The following NAA15 variants were observed in gnomAD, a reference collection of about 807,000 sequenced individuals.
The protein encoded by NAA15 is N-alpha-acetyltransferase 15, NatA auxiliary subunit.
In NAA15, 34 loss-of-function variants were observed where a neutral mutation model predicts 114.0. The observed-to-expected ratio is 0.30, with a 90% CI of 0.23 to 0.40. NAA15 has a LOEUF of 0.40. Ranked by LOEUF, NAA15 falls within the 10% of genes least tolerant of loss-of-function variation. The probability of loss-of-function intolerance (pLI) is 1.00; values close to 1 mark genes in which losing one functional copy is unlikely to be tolerated. For synonymous variants in NAA15, 340 were observed against 338.0 expected, an observed-to-expected ratio of 1.01 and a Z score of -0.06; for missense variants, 658 against 1,004.5, an observed-to-expected ratio of 0.66 and a Z score of 4.66.
Position 139,354,113 on chromosome 4 carries a change from T to A in NAA15, c.1087+15T>A, listed in dbSNP as rs1297311695. On this transcript the variant is annotated intron_variant, in intron 10 of 19. Transcript: ENST00000296543. ...TAACCCCAATGGTAAGTCCTCAAGT[T>A]TTATGTTTTAAAAACATCTTGAAAA... The A allele has an allele frequency of 1.2e-6, 2 of 1,601,744 alleles. No individual in the cohort carries two copies. Among genetic ancestry groups the A allele is most frequent in the South Asian group, 2.2e-5 (2 of 90,054 alleles).
At chr4:139,377,026 G>C (rs1748598098) in intron 16 of NAA15, among the ~76,000 whole-genome samples, 1 of 152,084 alleles carries the variant, frequency 6.6e-6, no homozygotes, top group African/African-American at 2.4e-5. Context: ...GGTTTAGAAT[G>C]CTTAGAATAT....
intron 6 of NAA15, among the ~76,000 whole-genome samples, chr4:139,346,361 A>G (rs1747582106): frequency 6.6e-6 from 1 of 152,134 alleles, no homozygotes; most frequent in Non-Finnish European, 1.5e-5. Flanking sequence ...ACTTTGAGTT[A>G]GGTAATGGGA....
In NAA15 at chr4:139,351,487, G is replaced by T; in HGVS notation, c.908-18G>T. On this transcript the variant is annotated intron_variant, in intron 8 of 19. Coordinates refer to ENST00000296543, the MANE Select transcript of NAA15 (RefSeq NM_057175.5). ...AATACTTGATAAATATAAGCGAAAAGGATTTTTCTCTTCCAAGGTGAGAAG... is the reference window on the plus strand; with the variant it reads ...AATACTTGATAAATATAAGCGAAAATGATTTTTCTCTTCCAAGGTGAGAAG... 1.4e-6 allele frequency: 2 copies of T among 1,415,320 alleles called. No homozygotes were observed. The highest frequency in any genetic ancestry group is 2.4e-5 in the South Asian group (2 of 84,208). The allele number at this position is 1,415,320 out of a possible 1,614,324, so 87.7% of individuals were successfully genotyped here.
intron 1 of NAA15, among the ~76,000 whole-genome samples, chr4:139,320,560 G>A (rs908217770): frequency 1.3e-5 from 2 of 151,950 alleles, no homozygotes; most frequent in Admixed American, 6.6e-5. Context: ...TCACTCTGTC[G>A]TCCAGGCTGG....
chr4:139,315,048 T>TTAGTTC (rs1746358032), intron 1 of NAA15, among the ~76,000 whole-genome samples: 1 of 108,364 alleles, frequency 9.2e-6, no homozygotes, highest in Non-Finnish European at 2.0e-5. Context: ...TAGGTTAGGT[T>TTAGTTC]AGGTTAGTTT....
intron 6 of NAA15, among the ~76,000 whole-genome samples, chr4:139,348,328 C>T (rs1163602719): frequency 6.6e-6 from 1 of 151,922 alleles, no homozygotes; most frequent in African/African-American, 2.4e-5. Flanking sequence ...GTGGCACATG[C>T]CTGTAGTTCC....
At chr4:139,336,049 G>A (rs913565636) in intron 2 of NAA15, among the ~76,000 whole-genome samples, 27 of 152,278 alleles carry the variant, frequency 1.8e-4, no homozygotes, top group Non-Finnish European at 1.6e-4. Flanking sequence ...GTGAGGCACT[G>A]TGCCTGGCCA....
chr4:139,374,148 T>A (rs1460619402), intron 15 of NAA15, among the ~76,000 whole-genome samples: 1 of 152,204 alleles, frequency 6.6e-6, no homozygotes, highest in African/African-American at 2.4e-5. Flanking sequence ...CATATACTCC[T>A]TTACAACATA....
In NAA15 at chr4:139,342,899, ATTTATTAGAAGAT is replaced by A; in HGVS notation, c.478_490del (p.Leu160MetfsTer8). The A allele has an allele frequency of 6.2e-7, 1 of 1,613,482 alleles. No homozygotes were observed. The highest frequency in any genetic ancestry group is 8.5e-7 in the Non-Finnish European group (1 of 1,179,406). On this transcript the variant is annotated frameshift_variant, in exon 5 of 20. Coordinates refer to ENST00000296543, the MANE Select transcript of NAA15 (RefSeq NM_057175.5). LOFTEE classifies it high-confidence loss of function. ...TGGATTGGTTATGCTATTGCTTACC[ATTTATTAGAAGAT>A]TATGAAATGGCAGCAAAGATTTTAG...
At chr4:139,385,523 C>T (rs1427236586) in intron 18 of NAA15, among the ~76,000 whole-genome samples, 1 of 151,868 alleles carries the variant, frequency 6.6e-6, no homozygotes, top group Non-Finnish European at 1.5e-5. Context: ...GGACCATCGT[C>T]TTCCATTTCT....
chr4:139,314,836 C>G lies in NAA15; in HGVS notation c.54+13005C>G, dbSNP rs183148833. Among the ~76,000 whole-genome samples the G allele has an allele frequency of 4.0e-5, 6 of 151,862 alleles. No homozygotes were observed. The East Asian group carries it at 1.2e-3, about 30-fold the overall frequency. ...GGGATTACAGGCGTGTGCCACCATG[C>G]CCAGCAAATTTTTGTATTTTTAGTA... is the stretch of plus-strand genomic sequence containing the variant. On this transcript the variant is annotated intron_variant, in intron 1 of 19. Transcript: ENST00000296543.
intron 4 of NAA15, among the ~76,000 whole-genome samples, chr4:139,342,542 C>T (rs183030026): frequency 1.4e-4 from 21 of 150,480 alleles, no homozygotes; most frequent in African/African-American, 4.2e-4. Context: ...CTCTGCCTCC[C>T]GGGTTCAAGT....
chr4:139,341,888 A>T (rs1412414692), intron 4 of NAA15, among the ~76,000 whole-genome samples: 1 of 151,578 alleles, frequency 6.6e-6, no homozygotes, highest in African/African-American at 2.4e-5. Flanking sequence ...TGCCCAGCTC[A>T]TTTTTTATAT....
At chr4:139,373,184 G>T (rs752354637) in intron 15 of NAA15, among the ~76,000 whole-genome samples, 8 of 152,076 alleles carry the variant, frequency 5.3e-5, no homozygotes, top group Admixed American at 2.0e-4. Flanking sequence ...ACCTGGCTTG[G>T]GTGATTTTAT....
intron 1 of NAA15, among the ~76,000 whole-genome samples, chr4:139,314,694 G>T (rs1046087689): frequency 6.6e-6 from 1 of 151,750 alleles, no homozygotes; most frequent in Non-Finnish European, 1.5e-5. Flanking sequence ...AAGCTTTTTT[G>T]TTGAGATGGA....
rs898364248 is a variant in NAA15, at chr4:139,379,819, G to A, written c.2155+965G>A. Among the ~76,000 whole-genome samples, 118 of 152,098 alleles carry A rather than the reference G, an allele frequency of 7.8e-4. 1 individual carries two copies. Among genetic ancestry groups the A allele is most frequent in the Non-Finnish European group, 1.8e-4 (12 of 68,020 alleles). ...AGCATTTCAGGAAGCCGAGGTGGGC[G>A]GATCACTTGCGGTCAGGAGTTCGAG... On this transcript the variant is annotated intron_variant, in intron 17 of 19. Coordinates refer to ENST00000296543, the MANE Select transcript of NAA15 (RefSeq NM_057175.5).
intron 1 of NAA15, 24 bp downstream of exon 1, chr4:139,301,855 C>A: frequency 6.3e-7 from 1 of 1,577,186 alleles, no homozygotes; most frequent in Admixed American, 1.8e-5. Context: ...TCCGGGCAAG[C>A]GGTGGGGAGG....
chr4:139,386,927 G>C (rs1748924564), intron 19 of NAA15, among the ~76,000 whole-genome samples: 1 of 152,154 alleles, frequency 6.6e-6, no homozygotes, highest in Non-Finnish European at 1.5e-5. Context: ...TGGGTGTATT[G>C]TAAAATACTG....
At chr4:139,327,157 G>GA (rs1746829716) in intron 1 of NAA15, among the ~76,000 whole-genome samples, 1 of 152,064 alleles carries the variant, frequency 6.6e-6, no homozygotes, top group South Asian at 2.1e-4. Context: ...GGCTGGTCTT[G>GA]AACTCCTGGG....
Sources: gnomAD v4.1 joint callset for allele counts (sites outside exome capture counted in the v4.1 genomes callset) on GRCh38, gnomAD v4.1.1 for gene constraint, MANE v1.5 for transcripts, NCBI Gene and HGNC (gene_info 2026-07-23, HGNC 2026-07-21) for gene names.